Variants in DOCK8 observed in about 807,000 individuals in gnomAD.
DOCK8 encodes the protein dedicator of cytokinesis protein 8.
Under a neutral mutation model 245.6 loss-of-function variants are expected in DOCK8, and 141 were observed. The ratio of observed to expected loss-of-function variants is 0.57; its 90% CI spans 0.50 to 0.66. DOCK8 has a LOEUF of 0.66. Ranked by LOEUF, DOCK8 falls within the 30% of genes least tolerant of loss-of-function variation. The pLI is 0.00. For missense variants in DOCK8, 2,965 were observed against 2,603.4 expected, an observed-to-expected ratio of 1.14 and a Z score of -3.02; for synonymous variants, 1,168 against 970.2, an observed-to-expected ratio of 1.20 and a Z score of -3.79.
rs889608468 is a variant in DOCK8, at chr9:340,515, G to C, written c.1679+194G>C. ...GCATGCTTGTAATCCCAGCAACTTG[G>C]CAGGCTGAGGCAGGAGAATCGCTTG... On this transcript the variant is annotated intron_variant, in intron 14 of 47. Transcript: ENST00000432829. 16 of 617,694 alleles carry C rather than the reference G, an allele frequency of 2.6e-5. No individual in the cohort carries two copies. In the African/African-American group the frequency reaches 2.9e-4, roughly 11 times the overall value. 38.3% of individuals were successfully genotyped at this position (617,694 alleles called of 1,614,324 possible). A position where few individuals can be genotyped will look rare whatever the true frequency, so the allele number is the denominator to read the frequency against.
chr9:227,743 G>A (rs1055875799), intron 1 of DOCK8, among the ~76,000 whole-genome samples: 1 of 152,148 alleles, frequency 6.6e-6, no homozygotes, highest in Non-Finnish European at 1.5e-5. Context: ...TCTGTGAGGT[G>A]GAGATTGGGA....
chr9:372,095 T>C (rs558094616), intron 17 of DOCK8, 90 bp from the exon 18 acceptor site: 12 of 1,121,528 alleles, frequency 1.1e-5, no homozygotes, highest in Middle Eastern at 2.0e-4. Context: ...ACTCACTGTT[T>C]AGTTGCATTT....
At chr9:459,102 G>T (rs1035221967) in intron 46 of DOCK8, among the ~76,000 whole-genome samples, 1 of 152,174 alleles carries the variant, frequency 6.6e-6, no homozygotes, top group Non-Finnish European at 1.5e-5. Flanking sequence ...AGTCTGGAAT[G>T]GTTGTATCAC....
chr9:276,524 G>A (rs1041611629), intron 2 of DOCK8, among the ~76,000 whole-genome samples: 3 of 152,044 alleles, frequency 2.0e-5, no homozygotes, highest in Non-Finnish European at 4.4e-5. Context: ...TAGTATGAAG[G>A]GGATCCATCA....
At chr9:273,637 G>A (rs2129978937) in intron 2 of DOCK8, among the ~76,000 whole-genome samples, 1 of 152,154 alleles carries the variant, frequency 6.6e-6, no homozygotes, top group Middle Eastern at 3.4e-3. Flanking sequence ...GAGACGTTAA[G>A]GAAGTTTAGC....
chr9:259,693 G>T (rs1307570814), intron 1 of DOCK8, among the ~76,000 whole-genome samples: 3 of 152,174 alleles, frequency 2.0e-5, no homozygotes, highest in Non-Finnish European at 2.9e-5. Context: ...AAAATGAGTC[G>T]ACCTTCTGCA....
chr9:265,247 A>T (rs28728447), intron 1 of DOCK8, among the ~76,000 whole-genome samples: 3 of 33,882 alleles, frequency 8.9e-5, no homozygotes, highest in East Asian at 9.1e-3. Context: ...CTTGATTTTT[A>T]AAAAAATACT....
chr9:239,063 C>A (rs946525101), intron 1 of DOCK8, among the ~76,000 whole-genome samples: 7 of 152,198 alleles, frequency 4.6e-5, no homozygotes, highest in Non-Finnish European at 8.8e-5. Flanking sequence ...ATGCACACTC[C>A]ACACAGACGG....
intron 26 of DOCK8, among the ~76,000 whole-genome samples, chr9:400,295 CCACCATCTTCACCGT>C (rs1449127992): frequency 5.1e-5 from 4 of 79,196 alleles, no homozygotes; most frequent in Non-Finnish European, 2.5e-5. Flanking sequence ...TTCACCACCA[CCACCATCTTCACCGT>C]CACCACCACC....
Position 376,285 on chromosome 9 carries a change from G to A in DOCK8, c.2185G>A (p.Val729Ile). The change falls in exon 19 of 48, where the codon GTT becomes ATT. Residue 729 changes from valine (V) to isoleucine (I), a missense_variant. Around this residue, in one of 3 missense-constraint regions of DOCK8, gnomAD observed 2,825 missense variants for 2,453.5 expected, o/e 1.15. Coordinates refer to ENST00000432829, the MANE Select transcript of DOCK8 (RefSeq NM_203447.4). ...KGVFNIEVQAVSSVHTQDNHL... is the reference protein window; with the variant it reads ...KGVFNIEVQAISSVHTQDNHL... ...AGTATTTAATATTGAAGTGCAAGCT[G>A]TTTCTTCTGTACACACCCAGGTAAG... 6.2e-7 allele frequency: 1 copy of A among 1,612,320 alleles called. No homozygotes were observed. The highest frequency in any genetic ancestry group is 8.5e-7 in the Non-Finnish European group (1 of 1,178,440).
chr9:345,018 C>G (rs901295859), intron 14 of DOCK8, among the ~76,000 whole-genome samples: 3 of 152,098 alleles, frequency 2.0e-5, no homozygotes, highest in Non-Finnish European at 2.9e-5. Flanking sequence ...TGCCATTGCA[C>G]TCCAGCCTGG....
intron 5 of DOCK8, among the ~76,000 whole-genome samples, chr9:308,980 A>G (rs2049976985): frequency 1.3e-5 from 2 of 152,202 alleles, no homozygotes; most frequent in South Asian, 4.1e-4. Flanking sequence ...TAATGGCTAC[A>G]TAACATTCTA....
intron 12 of DOCK8, among the ~76,000 whole-genome samples, chr9:337,365 C>T (rs1174146178): frequency 1.3e-5 from 2 of 152,182 alleles, no homozygotes; most frequent in Non-Finnish European, 1.5e-5. Context: ...AGTAAGTGCT[C>T]AATGAATGTT....
At chr9:417,822 G>A (rs1264449464) in intron 29 of DOCK8, among the ~76,000 whole-genome samples, 3 of 152,196 alleles carry the variant, frequency 2.0e-5, no homozygotes, top group Non-Finnish European at 2.9e-5. Flanking sequence ...AAACAATTAT[G>A]GAAGGTTTGA....
At chr9:382,825 T>A in intron 22 of DOCK8, 140 bp downstream of exon 22, 2 of 1,120,926 alleles carry the variant, frequency 1.8e-6, no homozygotes, top group Admixed American at 2.1e-5. Flanking sequence ...TTGGAGTGAT[T>A]AACGTTCTTT....
At chr9:327,542 C>T (rs141150588) in intron 8 of DOCK8, among the ~76,000 whole-genome samples, 15 of 152,192 alleles carry the variant, frequency 9.9e-5, no homozygotes, top group Non-Finnish European at 1.8e-4. Context: ...GAACCACAGG[C>T]ACATGCCACC....
intron 14 of DOCK8, chr9:340,534 T>C (rs1375986118): frequency 3.6e-6 from 2 of 549,386 alleles, no homozygotes; most frequent in Non-Finnish European, 6.5e-6. Context: ...GGCAGGAGAA[T>C]CGCTTGAACC....
At chr9:256,978 C>G (rs2047791644) in intron 1 of DOCK8, among the ~76,000 whole-genome samples, 1 of 152,204 alleles carries the variant, frequency 6.6e-6, no homozygotes, top group Non-Finnish European at 1.5e-5. Flanking sequence ...TTTCCTGAGC[C>G]TGCTCTCCTT....
At chr9:365,520 A>G (rs1297219958) in intron 14 of DOCK8, 4 of 438,234 alleles carry the variant, frequency 9.1e-6, no homozygotes, top group African/African-American at 2.1e-5. Context: ...TATTATAGTA[A>G]TGATAATAAT....
Sources: allele counts gnomAD v4.1 joint callset (sites outside exome capture counted in the v4.1 genomes callset), GRCh38; gene constraint gnomAD v4.1.1; regional missense constraint gnomAD v4.1.1; transcripts MANE v1.5; gene names NCBI Gene and HGNC (gene_info 2026-07-23, HGNC 2026-07-21).